Variants in PUM2 observed in about 807,000 individuals in gnomAD.
PUM2 encodes pumilio homolog 2.
A neutral mutation model predicts 124.5 loss-of-function variants in PUM2; 57 were observed. The observed-to-expected ratio is 0.46, with a 90% confidence interval of 0.37 to 0.57. The LOEUF is 0.57. Ranked by LOEUF, PUM2 falls within the 20% of genes least tolerant of loss-of-function variation. The pLI is 0.00. For missense variants in PUM2, 1,065 were observed against 1,290.6 expected (o/e 0.83, Z 2.68); for synonymous variants, 460 against 446.1 (o/e 1.03, Z -0.39).
upstream of PUM2, chr2:20,350,960 C>G (rs1443446808): frequency 4.9e-6 from 1 of 204,374 alleles, no homozygotes; most frequent in Non-Finnish European, 8.6e-6. Context: ...TGCCGCCGCG[C>G]GGGCCGGGGG....
At chr2:20,335,511 A>G (rs558800434) in intron 1 of PUM2, among the ~76,000 whole-genome samples, 8 of 152,354 alleles carry the variant, frequency 5.3e-5, no homozygotes, top group African/African-American at 1.9e-4. Flanking sequence ...TTCTGAGGGC[A>G]TAAATTGAAT....
intron 1 of PUM2, among the ~76,000 whole-genome samples, chr2:20,345,542 AG>A (rs746112926): frequency 1.4e-4 from 21 of 152,170 alleles, no homozygotes; most frequent in Non-Finnish European, 2.6e-4. Flanking sequence ...CCAGCATCTA[AG>A]GACAGTGTGG....
intron 12 of PUM2, among the ~76,000 whole-genome samples, chr2:20,279,950 C>T (rs967130019): frequency 6.6e-6 from 1 of 152,112 alleles, no homozygotes; most frequent in Admixed American, 6.6e-5. Flanking sequence ...ATTTCTGAAC[C>T]TGCCAAATAC....
intron 7 of PUM2, among the ~76,000 whole-genome samples, chr2:20,306,041 T>C (rs1028580917): frequency 2.6e-5 from 4 of 152,026 alleles, no homozygotes; most frequent in African/African-American, 9.7e-5. Context: ...GGTGAAACCC[T>C]GTCTCTACAA....
rs753726754 is a variant in PUM2 at position 20,278,767 on chromosome 2, G to A, written c.1773C>T (p.Ser591=). 1.2e-6 allele frequency: 2 copies of A among 1,613,450 alleles called. No individual in the cohort carries two copies. Among genetic ancestry groups the A allele is most frequent in the Non-Finnish European group, 1.7e-6 (2 of 1,179,648 alleles). The change falls in exon 13 of 21, where the codon AGC becomes AGT. Residue 591 remains serine (S), a synonymous_variant. Transcript: ENST00000361078. ...SATRRESLST[S]SDLYKRSSSS... Reference sequence around the variant, plus strand: ...TACTAGATCTTTTGTACAAGTCAGAGCTAGTAGATAGAGACTCTCTCCTTG... The same window carrying A: ...TACTAGATCTTTTGTACAAGTCAGAACTAGTAGATAGAGACTCTCTCCTTG...
At chr2:20,334,956 GT>G (rs942671791) in intron 1 of PUM2, among the ~76,000 whole-genome samples, 7 of 150,910 alleles carry the variant, frequency 4.6e-5, no homozygotes, top group Non-Finnish European at 5.9e-5. Context: ...GGACTGTTTT[GT>G]TTTTTTTTGA....
intron 1 of PUM2, among the ~76,000 whole-genome samples, chr2:20,329,655 C>T (rs1244372796): frequency 1.3e-5 from 2 of 151,966 alleles, no homozygotes; most frequent in East Asian, 1.9e-4. Context: ...AGAGCAGTGG[C>T]GAGTTGTTTC....
intron 2 of PUM2, among the ~76,000 whole-genome samples, chr2:20,323,908 C>CAAAAAAAAA (rs397984008): frequency 5.1e-5 from 3 of 58,426 alleles, no homozygotes; most frequent in Admixed American, 2.7e-4. Flanking sequence ...TACGGACTAG[C>CAAAAAAAAA]AAAAAAAAAA....
At chr2:20,317,188 C>G (rs1681168957) in intron 3 of PUM2, among the ~76,000 whole-genome samples, 3 of 152,032 alleles carry the variant, frequency 2.0e-5, no homozygotes, top group Admixed American at 2.0e-4. Context: ...CAGAGCAACA[C>G]CCTCTTAAAA....
intron 1 of PUM2, among the ~76,000 whole-genome samples, chr2:20,334,718 CT>C (rs1685623364): frequency 6.6e-6 from 1 of 152,196 alleles, no homozygotes; most frequent in African/African-American, 2.4e-5. Flanking sequence ...TTCGCTTAGA[CT>C]TTTTGTACTG....
chr2:20,345,812 C>T (rs1029618888), intron 1 of PUM2, among the ~76,000 whole-genome samples: 1 of 152,174 alleles, frequency 6.6e-6, no homozygotes, highest in African/African-American at 2.4e-5. Flanking sequence ...GCGGAGGTTG[C>T]AGTGAGCCGA....
At chr2:20,264,353 A>T (rs1667027401) in intron 13 of PUM2, among the ~76,000 whole-genome samples, 1 of 71,048 alleles carries the variant, frequency 1.4e-5, no homozygotes, top group African/African-American at 5.7e-5. Context: ...AAAAAAAAAA[A>T]AAAAAAAAAA....
intron 3 of PUM2, among the ~76,000 whole-genome samples, chr2:20,316,530 T>C (rs1415278997): frequency 4.6e-5 from 7 of 151,924 alleles, no homozygotes; most frequent in Non-Finnish European, 8.8e-5. Context: ...TTGTAAAATA[T>C]ATGATCTAGC....
At chr2:20,331,131 GAAA>G (rs201576911) in intron 1 of PUM2, among the ~76,000 whole-genome samples, 1 of 143,388 alleles carries the variant, frequency 7.0e-6, no homozygotes, top group East Asian at 2.0e-4. Flanking sequence ...TTGGGGAGAG[GAAA>G]AAAAAAAAAC....
intron 13 of PUM2, among the ~76,000 whole-genome samples, chr2:20,270,253 A>G (rs1668710165): frequency 6.6e-6 from 1 of 152,208 alleles, no homozygotes. Flanking sequence ...TACATTTGGT[A>G]ATAAGTTAAC....
At chr2:20,322,832 AAAC>A (rs111309828) in intron 2 of PUM2, among the ~76,000 whole-genome samples, 21 of 152,174 alleles carry the variant, frequency 1.4e-4, no homozygotes, top group East Asian at 5.8e-4. Context: ...CAAACAAAAC[AAAC>A]AACAACAACA....
chr2:20,258,401 A>C (rs1665333947), intron 15 of PUM2, 30 bp from the exon 16 acceptor site: 2 of 1,604,748 alleles, frequency 1.2e-6, no homozygotes, highest in African/African-American at 2.7e-5. Context: ...ATTAATAACA[A>C]GTGACCTTAA....
chr2:20,343,736 G>A (rs1687670396), intron 1 of PUM2, among the ~76,000 whole-genome samples: 1 of 152,172 alleles, frequency 6.6e-6, no homozygotes, highest in Non-Finnish European at 1.5e-5. Context: ...GACTAGCCAA[G>A]GCAACATAGT....
intron 1 of PUM2, among the ~76,000 whole-genome samples, chr2:20,338,289 C>G (rs1686532547): frequency 6.6e-6 from 1 of 152,052 alleles, no homozygotes; most frequent in South Asian, 2.1e-4. Flanking sequence ...CTCAGCTACT[C>G]AGGAGGCTGA....
Sources: gnomAD v4.1 joint callset for allele counts (sites outside exome capture counted in the v4.1 genomes callset) on GRCh38, gnomAD v4.1.1 for gene constraint, MANE v1.5 for transcripts, NCBI Gene and HGNC (gene_info 2026-07-23, HGNC 2026-07-21) for gene names.